Variants in CHD7 observed in about 807,000 individuals in gnomAD.
CHD7 encodes the protein ATP-dependent chromatin remodeler CHD7.
CHD7 carries 24 observed loss-of-function variants against 307.3 expected under a neutral mutation model. The observed-to-expected ratio is 0.08, with a 90% CI of 0.06 to 0.11. The LOEUF is 0.11. Among genes scored for constraint, CHD7 ranks in the 10% least tolerant of loss-of-function variants. The pLI, the probability that CHD7 is intolerant of heterozygous loss-of-function variation, is 1.00. For missense variants in CHD7, 3,106 were observed against 3,727.1 expected (o/e 0.83, Z 4.34); for synonymous variants, 1,363 against 1,349.9 (o/e 1.01, Z -0.21).
Position 60,742,559 on chromosome 8 carries a change from T to G in CHD7, c.1127T>G (p.Met376Arg). Residue 376 changes from methionine (M) to arginine (R), a missense_variant, in exon 2 of 38, where the codon ATG becomes AGG. Physicochemically the swap from Met to Arg is moderately conservative, Grantham distance 91. Transcript: ENST00000423902. ...CACCCCAGTGGCTCACTTAACCAAA[T>G]GAACACACAAACTATGCATCCTTCA... is the stretch of plus-strand genomic sequence containing the variant. ...PIHPSGSLNQ[M>R]NTQTMHPSQP... The G allele has an allele frequency of 6.2e-7, 1 of 1,613,970 alleles. No individual in the cohort carries two copies. Among genetic ancestry groups the G allele is most frequent in the Non-Finnish European group, 8.5e-7 (1 of 1,179,890 alleles).
intron 13 of CHD7, among the ~76,000 whole-genome samples, chr8:60,825,838 T>C (rs1409028645): frequency 6.6e-6 from 1 of 152,164 alleles, no homozygotes; most frequent in East Asian, 1.9e-4. Context: ...CTGATTGTCA[T>C]TGGGCTATTT....
chr8:60,852,534 G>A lies in CHD7; in HGVS notation c.5931G>A (p.Val1977=). ...GAGAAGAGGCTGATTTTTACCGTGT[G>A]GTATCCACCTTTGGGGTTATTTTTG... ...TRREEADFYR[V]VSTFGVIFDP... is the part of the protein sequence containing the mutation. The change falls in exon 30 of 38, where the codon GTG becomes GTA. Residue 1977 remains valine (V), a synonymous_variant. Transcript: ENST00000423902. 1 of 1,613,816 alleles carries A rather than the reference G, an allele frequency of 6.2e-7. No individual in the cohort carries two copies. Among genetic ancestry groups the A allele is most frequent in the Non-Finnish European group, 8.5e-7 (1 of 1,179,808 alleles).
chr8:60,699,539 A>G (rs1370018024), intron 1 of CHD7, among the ~76,000 whole-genome samples: 1 of 151,136 alleles, frequency 6.6e-6, no homozygotes, highest in Admixed American at 6.6e-5. Context: ...TTTTTTTTTT[A>G]AAGCCTGGGG....
At chr8:60,799,469 C>T (rs1812191901) in intron 4 of CHD7, among the ~76,000 whole-genome samples, 2 of 152,326 alleles carry the variant, frequency 1.3e-5, no homozygotes, top group Middle Eastern at 3.4e-3. Context: ...AGTAAAATTA[C>T]TGTCCATAGT....
intron 3 of CHD7, among the ~76,000 whole-genome samples, chr8:60,782,947 A>G (rs1242514273): frequency 6.6e-6 from 1 of 152,190 alleles, no homozygotes; most frequent in African/African-American, 2.4e-5. Context: ...AAATCAAAGC[A>G]AAAATCTTAA....
chr8:60,735,823 T>C (rs1378234156), intron 1 of CHD7, among the ~76,000 whole-genome samples: 1 of 152,210 alleles, frequency 6.6e-6, no homozygotes, highest in African/African-American at 2.4e-5. Flanking sequence ...TTTTCTGCAG[T>C]GATGGAAATG....
At position 60,865,472 on chromosome 8, in the gene CHD7, G is replaced by C. The variant is rs1806202103; in HGVS notation, c.8533G>C (p.Glu2845Gln). The change falls in exon 38 of 38, where the codon GAG (glutamate) becomes CAG (glutamine). Residue 2845 changes from glutamate to glutamine, a missense_variant. By Grantham distance (29) the Glu-to-Gln change is conservative. This residue lies in a region of CHD7 where 351 missense variants were observed against 366.2 expected (regional missense o/e 0.96). Coordinates refer to ENST00000423902, the MANE Select transcript of CHD7 (RefSeq NM_017780.4). The surrounding 1 kb of genome is among the most constrained non-coding windows in gnomAD (Gnocchi z 4.3). Reference sequence around the variant, plus strand: ...GGAAGACAGCACTTCAAAAGGAGAGGAGAAAGGAAATGAGAATGAAGACGA... The same window carrying C: ...GGAAGACAGCACTTCAAAAGGAGAGCAGAAAGGAAATGAGAATGAAGACGA... The part of the protein sequence containing the change: ...EPEDSTSKGE[E>Q]KGNENEDENK... 1.9e-6 allele frequency: 3 copies of C among 1,613,900 alleles called. No homozygotes were observed. The African/African-American group carries it at 4.0e-5, about 22-fold the overall frequency.
At chr8:60,681,466 G>A (rs899983204) in intron 1 of CHD7, among the ~76,000 whole-genome samples, 6 of 152,148 alleles carry the variant, frequency 3.9e-5, no homozygotes, top group African/African-American at 9.7e-5. Context: ...GTAGGACTTG[G>A]TTTGCCTTTC....
At chr8:60,741,060 C>A (rs756046888) in intron 1 of CHD7, among the ~76,000 whole-genome samples, 199 bp from the exon 2 acceptor site, 1 of 152,198 alleles carries the variant, frequency 6.6e-6, no homozygotes, top group Non-Finnish European at 1.5e-5. Context: ...AGTAACCGAT[C>A]ATAATGATGC....
chr8:60,810,308 A>G (rs1288746879), intron 7 of CHD7, among the ~76,000 whole-genome samples: 3 of 151,374 alleles, frequency 2.0e-5, no homozygotes, highest in Non-Finnish European at 4.4e-5. Context: ...TTGGGGCTTT[A>G]GGTGTGCTCC....
chr8:60,799,192 A>C (rs1160983800), intron 4 of CHD7, among the ~76,000 whole-genome samples: 1 of 152,214 alleles, frequency 6.6e-6, no homozygotes, highest in African/African-American at 2.4e-5. Flanking sequence ...ATCTTAAGCT[A>C]CTTCTTGTTA....
At position 60,865,393 on chromosome 8, in the gene CHD7, C is replaced by T; in HGVS notation, c.8454C>T (p.Asn2818=). The change falls in exon 38 of 38, where the codon AAC becomes AAT. Residue 2818 remains asparagine (N), a synonymous_variant. Transcript: ENST00000423902. This position sits in a 1 kb window ranked among gnomAD's most constrained non-coding sequence, Gnocchi z 4.3. ...TTGGCTTGGGCGGGCTGTTGAATAACCCTCTGTCAGCTGCTACTGGAAACA... is the reference window on the plus strand; with the variant it reads ...TTGGCTTGGGCGGGCTGTTGAATAATCCTCTGTCAGCTGCTACTGGAAACA... The part of the protein sequence containing the change: ...NVFGLGGLLN[N]PLSAATGNTT... The T allele has an allele frequency of 1.9e-6, 3 of 1,613,328 alleles. No individual in the cohort carries two copies. Among genetic ancestry groups the T allele is most frequent in the Non-Finnish European group, 2.5e-6 (3 of 1,179,710 alleles).
chr8:60,844,691 T>C (rs1298744377), intron 21 of CHD7, among the ~76,000 whole-genome samples, 173 bp from the exon 22 acceptor site: 4 of 152,224 alleles, frequency 2.6e-5, no homozygotes, highest in Admixed American at 6.5e-5. Flanking sequence ...GAGGGGCAGC[T>C]TACTGTATAA....
rs1168248095 is a variant in CHD7 at position 60,841,774 on chromosome 8, C to T, written c.4644+20C>T. The T allele has an allele frequency of 3.7e-5, 60 of 1,601,382 alleles. No homozygotes were observed. The highest frequency in any genetic ancestry group is 5.0e-5 in the Non-Finnish European group (58 of 1,169,002). On this transcript the variant is annotated intron_variant, in intron 20 of 37. Coordinates refer to ENST00000423902, the MANE Select transcript of CHD7 (RefSeq NM_017780.4). ...GGGAGGGTGAGTAAGAAGTCCCATTCGAACACCTATCTGATCTAAACCAAG... is the reference window on the plus strand; with the variant it reads ...GGGAGGGTGAGTAAGAAGTCCCATTTGAACACCTATCTGATCTAAACCAAG...
intron 15 of CHD7, among the ~76,000 whole-genome samples, chr8:60,832,902 A>C (rs1023671097): frequency 3.3e-5 from 5 of 152,206 alleles, no homozygotes; most frequent in African/African-American, 1.2e-4. Context: ...CTAATTGGTC[A>C]CACCTTGAGG....
chr8:60,760,890 G>A (rs1036313858), intron 2 of CHD7, among the ~76,000 whole-genome samples: 1 of 152,218 alleles, frequency 6.6e-6, no homozygotes, highest in African/African-American at 2.4e-5. Flanking sequence ...TACACTGTTG[G>A]TGGGGCTGTC....
intron 2 of CHD7, among the ~76,000 whole-genome samples, chr8:60,765,811 A>T (rs1267854374): frequency 6.6e-6 from 1 of 152,226 alleles, no homozygotes; most frequent in East Asian, 1.9e-4. Flanking sequence ...TACATTTTAG[A>T]ATGATCTTGC....
At chr8:60,721,481 A>T (rs924048943) in intron 1 of CHD7, among the ~76,000 whole-genome samples, 1 of 152,182 alleles carries the variant, frequency 6.6e-6, no homozygotes, top group Non-Finnish European at 1.5e-5. Context: ...CAGGCTGTAG[A>T]GTTTGTTATG....
intron 1 of CHD7, among the ~76,000 whole-genome samples, chr8:60,731,020 G>A (rs1229589101): frequency 6.6e-6 from 1 of 152,170 alleles, no homozygotes; most frequent in African/African-American, 2.4e-5. Flanking sequence ...CACTGTAGAT[G>A]CTACCTGCCC....
Sources: allele counts gnomAD v4.1 joint callset (sites outside exome capture counted in the v4.1 genomes callset), GRCh38; gene constraint gnomAD v4.1.1; regional missense constraint gnomAD v4.1.1; non-coding constraint Gnocchi (gnomAD v3.1); transcripts MANE v1.5; gene names NCBI Gene and HGNC (gene_info 2026-07-23, HGNC 2026-07-21).